RHOBTB3: variants seen among roughly 807,000 people sequenced by gnomAD.
RHOBTB3 encodes rho-related BTB domain-containing protein 3.
In RHOBTB3, 47 loss-of-function variants were observed where a neutral mutation model predicts 67.2. The ratio of observed to expected loss-of-function variants is 0.70; its 90% CI spans 0.55 to 0.89. The LOEUF is 0.89. Ranked by LOEUF, RHOBTB3 falls within the 40% of genes least tolerant of loss-of-function variation. RHOBTB3 has a pLI of 0.00. For missense variants in RHOBTB3, 631 were observed against 750.0 expected (o/e 0.84, Z 1.85); for synonymous variants, 273 against 274.2 (o/e 1.00, Z 0.04).
intron 6 of RHOBTB3, among the ~76,000 whole-genome samples, chr5:95,760,524 A>G (rs1320532023): frequency 1.3e-5 from 2 of 152,254 alleles, no homozygotes; most frequent in South Asian, 2.1e-4. Flanking sequence ...GCAAGCTTTC[A>G]TCTTCAGTTT....
chr5:95,740,928 T>A (rs919142707), intron 3 of RHOBTB3, among the ~76,000 whole-genome samples: 1 of 152,218 alleles, frequency 6.6e-6, no homozygotes. Flanking sequence ...TCTTTATTCC[T>A]AATTACTTTA....
At chr5:95,791,611 A>G (rs1246586404) in intron 11 of RHOBTB3, among the ~76,000 whole-genome samples, 1 of 152,194 alleles carries the variant, frequency 6.6e-6, no homozygotes, top group African/African-American at 2.4e-5. Flanking sequence ...AGATGAGGTT[A>G]AACAGTAGAT....
intron 1 of RHOBTB3, among the ~76,000 whole-genome samples, chr5:95,725,675 T>A (rs1755032599): frequency 6.6e-6 from 1 of 152,274 alleles, no homozygotes; most frequent in South Asian, 2.1e-4. Context: ...CCACAAAATT[T>A]ACTACTTGTA....
intron 6 of RHOBTB3, among the ~76,000 whole-genome samples, chr5:95,762,328 C>G (rs901458098): frequency 3.9e-5 from 6 of 152,190 alleles, no homozygotes; most frequent in Admixed American, 3.9e-4. Flanking sequence ...TCTGCCCCTT[C>G]CAATTGGATT....
At chr5:95,730,840 T>C, upstream of RHOBTB3, 1 of 452,458 alleles carries the variant, frequency 2.2e-6, no homozygotes, top group African/African-American at 2.0e-5. Flanking sequence ...TTCTCACAAG[T>C]ATGATTTTAG....
intron 3 of RHOBTB3, among the ~76,000 whole-genome samples, chr5:95,743,049 G>T (rs917465100): frequency 6.6e-6 from 1 of 151,634 alleles, no homozygotes; most frequent in Non-Finnish European, 1.5e-5. Flanking sequence ...CCAGCCTGGG[G>T]GACAGAGCGA....
At chr5:95,724,981 C>A (rs980847463) in intron 1 of RHOBTB3, among the ~76,000 whole-genome samples, 15 of 151,594 alleles carry the variant, frequency 9.9e-5, no homozygotes, top group African/African-American at 3.6e-4. Context: ...TGAGTCTAGC[C>A]TAGTCAAAAA....
At chr5:95,735,178 G>T (rs963619185) in intron 2 of RHOBTB3, among the ~76,000 whole-genome samples, 4 of 151,580 alleles carry the variant, frequency 2.6e-5, no homozygotes, top group African/African-American at 7.3e-5. Context: ...TTTCTGCACT[G>T]TGTCCCACTT....
chr5:95,788,933 A>G (rs941755350), intron 11 of RHOBTB3, 75 bp downstream of exon 11: 3 of 917,696 alleles, frequency 3.3e-6, no homozygotes, highest in Non-Finnish European at 3.3e-6. Context: ...AAGTTGTAGA[A>G]GTAGTACTTT....
intron 3 of RHOBTB3, among the ~76,000 whole-genome samples, chr5:95,740,024 G>A (rs1017451590): frequency 1.3e-5 from 2 of 152,160 alleles, no homozygotes; most frequent in Non-Finnish European, 2.9e-5. Flanking sequence ...GTGGGAGGTG[G>A]TTGAATCATG....
rs140138389 is a variant in RHOBTB3 at position 95,758,376 on chromosome 5, T to A, written c.1048+2615T>A. ...TAATATTCTGGGGACATTTGATTAA[T>A]AAAAGTGTAATCCTAGGTATCTGCT... On this transcript the variant is annotated intron_variant, in intron 6 of 11. Transcript: ENST00000379982. Among the ~76,000 whole-genome samples, 51 of 152,346 alleles carry A rather than the reference T, an allele frequency of 3.3e-4. 1 individual carries two copies. In the East Asian group the frequency reaches 9.1e-3, roughly 27 times the overall value.
chr5:95,742,041 T>C (rs1243296134), intron 3 of RHOBTB3, among the ~76,000 whole-genome samples: 1 of 152,172 alleles, frequency 6.6e-6, no homozygotes, highest in African/African-American at 2.4e-5. Context: ...CCTTCCTTAT[T>C]TTCTGGCACA....
rs201412285 is a variant in RHOBTB3 at position 95,732,087 on chromosome 5, A to G, written c.228+3A>G. 2 of 1,613,228 alleles carry G rather than the reference A, an allele frequency of 1.2e-6. No homozygotes were observed. ...TGGTCCACGACTGTCCCGTCTGGGTAAGGAAGAGCAGCTGCTCCGCGCTGA... is the reference window on the plus strand; with the variant it reads ...TGGTCCACGACTGTCCCGTCTGGGTGAGGAAGAGCAGCTGCTCCGCGCTGA... On this transcript the variant is annotated splice_donor_region_variant and intron_variant, in intron 2 of 11. Transcript: ENST00000379982.
intron 9 of RHOBTB3, chr5:95,781,643 A>G (rs1243473757): frequency 6.6e-6 from 1 of 152,420 alleles, no homozygotes; most frequent in Non-Finnish European, 1.5e-5. Context: ...ACCTGAAGTC[A>G]GTTCAAAAAC....
chr5:95,769,002 C>T (rs1745629011), intron 8 of RHOBTB3: 1 of 226,436 alleles, frequency 4.4e-6, no homozygotes, highest in Admixed American at 4.6e-5. Flanking sequence ...CATAGAAATA[C>T]TTGGATTACC....
chr5:95,793,303 T>G lies in RHOBTB3; in HGVS notation c.*129T>G. The G allele has an allele frequency of 1.8e-6, 1 of 567,392 alleles. No homozygotes were observed. Among genetic ancestry groups the G allele is most frequent in the East Asian group, 3.1e-5 (1 of 32,616 alleles). The allele number at this position is 567,392 out of a possible 1,614,324, so 35.1% of individuals were successfully genotyped here. ...AAAAATTACCATATAGCTTAATATG[T>G]TTATTAGTTCTCTTTGGAAAAAAAC... On this transcript the variant is annotated 3_prime_UTR_variant, in exon 12 of 12. Transcript: ENST00000379982.
At chr5:95,753,552 A>T (rs1745155437) in intron 5 of RHOBTB3, among the ~76,000 whole-genome samples, 3 of 152,180 alleles carry the variant, frequency 2.0e-5, no homozygotes, top group African/African-American at 7.2e-5. Context: ...TCATCTCTTT[A>T]AAAAAGTGCA....
upstream of RHOBTB3, among the ~76,000 whole-genome samples, chr5:95,729,754 A>C (rs929967615): frequency 6.6e-6 from 1 of 152,294 alleles, no homozygotes; most frequent in South Asian, 2.1e-4. Flanking sequence ...GATACTTCAT[A>C]TAAATGGAAT....
intron 10 of RHOBTB3, among the ~76,000 whole-genome samples, chr5:95,788,427 A>G (rs182033955): frequency 7.2e-5 from 11 of 152,344 alleles, no homozygotes; most frequent in Middle Eastern, 6.8e-3. Context: ...AGGTGCAGTT[A>G]TTGAAGTCCG....
Sources: allele counts gnomAD v4.1 joint callset (sites outside exome capture counted in the v4.1 genomes callset), GRCh38; gene constraint gnomAD v4.1.1; transcripts MANE v1.5; gene names NCBI Gene and HGNC (gene_info 2026-07-23, HGNC 2026-07-21).